The following MARS1 variants were observed in gnomAD, a reference collection of about 807,000 sequenced individuals.
MARS1 encodes methionine--tRNA ligase, cytoplasmic.
MARS1 carries 80 observed loss-of-function variants against 119.5 expected under a neutral mutation model. That is an observed-to-expected ratio of 0.67 (90% CI 0.56 to 0.81). The LOEUF is 0.81. Among genes scored for constraint, MARS1 ranks in the 30% least tolerant of loss-of-function variants. The pLI, the probability that MARS1 is intolerant of heterozygous loss-of-function variation, is 0.00. For missense variants in MARS1, 945 were observed against 1,116.5 expected, an observed-to-expected ratio of 0.85 and a Z score of 2.19; for synonymous variants, 418 against 433.4, an observed-to-expected ratio of 0.96 and a Z score of 0.44.
chr12:57,489,032 G>C lies in MARS1; in HGVS notation c.123G>C (p.Pro41=). The change falls in exon 2 of 21, where the codon CCG becomes CCC. Residue 41 remains proline (P), a synonymous_variant. Coordinates refer to ENST00000262027, the MANE Select transcript of MARS1 (RefSeq NM_004990.4). ...STVGPEDCVV[P]FLTRPKVPVL... ...TTCTTGCATCAGATTGTGTGGTCCC[G>C]TTCCTGACCCGGCCTAAGGTCCCTG... 1 of 1,611,012 alleles carries C rather than the reference G, an allele frequency of 6.2e-7. No homozygotes were observed. Among genetic ancestry groups the C allele is most frequent in the Non-Finnish European group, 8.5e-7 (1 of 1,179,204 alleles).
chr12:57,489,272 T>G lies in MARS1; in HGVS notation c.206T>G (p.Phe69Cys), dbSNP rs766918667. The stretch of plus-strand genomic sequence containing the variant: ...GTTGCTCTCTCTCTGGGCAGATATT[T>G]TTTTTTGTTATCTGGCTGGGAGCAA... ...LFSTSAICRY[F>C]FLLSGWEQDD... The change falls in exon 3 of 21, where the codon TTT becomes TGT. Residue 69 changes from phenylalanine (F) to cysteine (C), a missense_variant. By Grantham distance (205) the Phe-to-Cys change is radical (BLOSUM62 -2). Coordinates refer to ENST00000262027, the MANE Select transcript of MARS1 (RefSeq NM_004990.4). 1.9e-6 allele frequency: 3 copies of G among 1,613,836 alleles called. No individual in the cohort carries two copies. In the South Asian group the frequency reaches 3.3e-5, roughly 18 times the overall value.
intron 7 of MARS1, among the ~76,000 whole-genome samples, chr12:57,491,742 C>T (rs1875971136): frequency 6.6e-6 from 1 of 152,070 alleles, no homozygotes; most frequent in Admixed American, 6.6e-5. Flanking sequence ...CACTCTCCTG[C>T]TACACTAAGA....
rs1170852480 is a variant in MARS1 at position 57,500,481 on chromosome 12, T to C, written c.1252T>C (p.Cys418Arg). ...CTATGAGGAGGCTCGGGGTGACCAG[T>C]GTGACAAGTGTGGCAAGCTCATCAA... ...CGYEEARGDQ[C>R]DKCGKLINAV... is the part of the protein sequence containing the mutation. The change falls in exon 10 of 21, where the codon TGT (cysteine) becomes CGT (arginine). Residue 418 changes from cysteine (C) to arginine (R), a missense_variant. Cys to Arg is a radical substitution (Grantham distance 180, BLOSUM62 -3). Coordinates refer to ENST00000262027, the MANE Select transcript of MARS1 (RefSeq NM_004990.4). 6.2e-7 allele frequency: 1 copy of C among 1,614,124 alleles called. No individual in the cohort carries two copies. The highest frequency in any genetic ancestry group is 2.2e-5 in the East Asian group (1 of 44,884).
At chr12:57,493,415 T>TAC (rs1409539190) in intron 7 of MARS1, among the ~76,000 whole-genome samples, 2 of 40,668 alleles carry the variant, frequency 4.9e-5, no homozygotes, top group African/African-American at 2.3e-4. Flanking sequence ...TTATATAATA[T>TAC]ATTATATGAT....
At chr12:57,515,779 T>C in intron 18 of MARS1, 141 bp from the exon 19 acceptor site, 1 of 692,090 alleles carries the variant, frequency 1.4e-6, no homozygotes, top group African/African-American at 1.8e-5. Flanking sequence ...GCTAATTTCC[T>C]AAAATCAGCA....
intron 7 of MARS1, among the ~76,000 whole-genome samples, chr12:57,493,916 TATATATA>T (rs1876429453): frequency 2.7e-5 from 2 of 73,354 alleles, no homozygotes; most frequent in South Asian, 3.3e-4. Context: ...ATATATATAA[TATATATA>T]ATATATATTA....
intron 11 of MARS1, among the ~76,000 whole-genome samples, chr12:57,505,164 G>GT (rs34010387): frequency 0.19 from 26,105 of 140,304 alleles, 2,729 homozygotes; most frequent in East Asian, 0.3. Context: ...CTCCTGATTT[G>GT]TTTTTTTTTT....
intron 11 of MARS1, among the ~76,000 whole-genome samples, chr12:57,511,140 A>T (rs115111847): frequency 1.9e-5 from 1 of 51,602 alleles, no homozygotes. Flanking sequence ...ATTTTTAAAA[A>T]TTAAAAAAAA....
Position 57,498,581 on chromosome 12 carries a change from C to T in MARS1, c.1049C>T (p.Ser350Leu), listed in dbSNP as rs147637407. The T allele has an allele frequency of 2.5e-5, 40 of 1,614,038 alleles. No homozygotes were observed. The African/African-American group carries it at 3.5e-4, about 14-fold the overall frequency. Residue 350 changes from serine to leucine, a missense_variant, in exon 9 of 21, where the codon TCG (serine) becomes TTG (leucine). Coordinates refer to ENST00000262027, the MANE Select transcript of MARS1 (RefSeq NM_004990.4). ...GACATCTACCGCTGGTTTAACATTT[C>T]GTTTGATATTTTTGGTCGCACCACC... ...HADIYRWFNI[S>L]FDIFGRTTTP...
chr12:57,498,370 A>G (rs767361282), intron 8 of MARS1, 50 bp from the exon 9 acceptor site: 2 of 1,599,300 alleles, frequency 1.3e-6, no homozygotes, highest in Admixed American at 1.7e-5. Context: ...TCCCAAGGAC[A>G]AGGAAGCGCT....
At chr12:57,504,348 C>A in intron 11 of MARS1, 49 bp downstream of exon 11, 2 of 1,445,302 alleles carry the variant, frequency 1.4e-6, no homozygotes, top group Non-Finnish European at 1.9e-6. Context: ...CTCTTCTGTC[C>A]CCTCTGCCTT....
At chr12:57,493,899 TTA>T (rs1222465478) in intron 7 of MARS1, among the ~76,000 whole-genome samples, 1 of 60,824 alleles carries the variant, frequency 1.6e-5, no homozygotes, top group Non-Finnish European at 2.8e-5. Context: ...TATATTTATG[TTA>T]TATAATATAT....
chr12:57,515,906 C>T lies in MARS1; in HGVS notation c.2392-14C>T. 1 of 1,608,538 alleles carries T rather than the reference C, an allele frequency of 6.2e-7. No homozygotes were observed. The highest frequency in any genetic ancestry group is 8.5e-7 in the Non-Finnish European group (1 of 1,175,648). On this transcript the variant is annotated splice_polypyrimidine_tract_variant and intron_variant, in intron 18 of 20. Transcript: ENST00000262027. Reference sequence around the variant, plus strand: ...ATCCAATCAGTAGATGATTCTGGAACTCTTTTTTTACAGGTCAGTCCCTTG... The same window carrying T: ...ATCCAATCAGTAGATGATTCTGGAATTCTTTTTTTACAGGTCAGTCCCTTG...
At chr12:57,491,508 T>C (rs1875957801) in intron 7 of MARS1, among the ~76,000 whole-genome samples, 1 of 152,204 alleles carries the variant, frequency 6.6e-6, no homozygotes, top group South Asian at 2.1e-4. Flanking sequence ...TTAAGTAGTC[T>C]TTGAATCCAC....
intron 19 of MARS1, 118 bp downstream of exon 19, chr12:57,516,109 C>G: frequency 1.4e-6 from 2 of 1,380,966 alleles, no homozygotes; most frequent in South Asian, 2.3e-5. Flanking sequence ...CGCTTCCTCA[C>G]TTACAGTTTT....
chr12:57,498,934 G>A (rs538168517), intron 9 of MARS1, among the ~76,000 whole-genome samples: 4 of 152,072 alleles, frequency 2.6e-5, no homozygotes, highest in African/African-American at 4.8e-5. Flanking sequence ...TCCCACTCCT[G>A]TATGCATTTA....
In MARS1 at chr12:57,514,723, T is replaced by C; in HGVS notation, c.1971T>C (p.Ala657=). 1 of 1,614,092 alleles carries C rather than the reference T, an allele frequency of 6.2e-7. No homozygotes were observed. The highest frequency in any genetic ancestry group is 8.5e-7 in the Non-Finnish European group (1 of 1,180,034). Residue 657 remains alanine (A), a synonymous_variant, in exon 16 of 21, where the codon GCT becomes GCC. Coordinates refer to ENST00000262027, the MANE Select transcript of MARS1 (RefSeq NM_004990.4). ...TGCTTTCCTACTCCCAACCAAGAGCTGGGATGTTTGTGTCTAAGTTCTTTG... is the reference window on the plus strand; with the variant it reads ...TGCTTTCCTACTCCCAACCAAGAGCCGGGATGTTTGTGTCTAAGTTCTTTG... The part of the protein sequence containing the change: ...LNNLGNFINR[A]GMFVSKFFGG...
At chr12:57,495,355 C>T (rs1350416190) in intron 7 of MARS1, among the ~76,000 whole-genome samples, 2 of 151,904 alleles carry the variant, frequency 1.3e-5, no homozygotes, top group African/African-American at 4.8e-5. Context: ...CTCCTCAGAT[C>T]CCAGACGGGG....
intron 10 of MARS1, among the ~76,000 whole-genome samples, chr12:57,502,435 G>A (rs1876958662): frequency 6.6e-6 from 1 of 152,006 alleles, no homozygotes; most frequent in Non-Finnish European, 1.5e-5. Context: ...GGCCAGGTGT[G>A]GTGGCTCACG....
Sources: gnomAD v4.1 joint callset for allele counts (sites outside exome capture counted in the v4.1 genomes callset) on GRCh38, gnomAD v4.1.1 for gene constraint, MANE v1.5 for transcripts, NCBI Gene and HGNC (gene_info 2026-07-23, HGNC 2026-07-21) for gene names.